The following GOLGB1 variants were observed in gnomAD, a reference collection of about 807,000 sequenced individuals.
GOLGB1 encodes golgin B1, also known as golgin subfamily B member 1.
Under a neutral mutation model 336.9 loss-of-function variants are expected in GOLGB1, and 174 were observed. The observed-to-expected ratio is 0.52, with a 90% CI of 0.46 to 0.59. GOLGB1 has a LOEUF of 0.59. Among genes scored for constraint, GOLGB1 ranks in the 20% least tolerant of loss-of-function variants. GOLGB1 has a pLI of 0.00. For synonymous variants in GOLGB1, 1,208 were observed against 1,289.2 expected, an observed-to-expected ratio of 0.94 and a Z score of 1.35; for missense variants, 3,331 against 3,645.3, an observed-to-expected ratio of 0.91 and a Z score of 2.22.
At chr3:121,704,776 CAA>C (rs71133560) in intron 10 of GOLGB1, among the ~76,000 whole-genome samples, 3 of 106,996 alleles carry the variant, frequency 2.8e-5, no homozygotes, top group Non-Finnish European at 5.4e-5. Context: ...AACTCCATCT[CAA>C]AAAAAAAAAA....
Position 121,697,592 on chromosome 3 carries a change from T to C in GOLGB1, c.2931A>G (p.Ile977Met). ...ATTCATGCTGAAGTTCTTCCTTACT[T>C]ATTTGTCCTGCTGGGCTCATCTCAT... The part of the protein sequence containing the change: ...NYDEMSPAGQ[I>M]SKEELQHEFD... The change falls in exon 13 of 22, where the codon ATA (isoleucine) becomes ATG (methionine). Residue 977 changes from isoleucine to methionine, a missense_variant. Ile to Met is a conservative substitution (Grantham distance 10). Transcript: ENST00000614479. The C allele has an allele frequency of 6.2e-7, 1 of 1,613,708 alleles. No individual in the cohort carries two copies. Among genetic ancestry groups the C allele is most frequent in the Non-Finnish European group, 8.5e-7 (1 of 1,179,970 alleles).
At position 121,663,639 on chromosome 3, in the gene GOLGB1, T is replaced by C. The variant is rs1056295658; in HGVS notation, c.*841A>G. 1.3e-5 allele frequency: 2 copies of C among 152,156 alleles called. No homozygotes were observed. The highest frequency in any genetic ancestry group is 4.8e-5 in the African/African-American group (2 of 41,426). The allele number at this position is 152,156 out of a possible 1,614,324, so 9.4% of individuals were successfully genotyped here. A position where few individuals can be genotyped will look rare whatever the true frequency, so the allele number is the denominator to read the frequency against. On this transcript the variant is annotated 3_prime_UTR_variant, in exon 22 of 22. Coordinates refer to ENST00000614479, the MANE Select transcript of GOLGB1 (RefSeq NM_001366282.2). ...CTCCTGGCTGAGAGTCAATGCCTAA[T>C]ATTGGCTCCCAGTGGCCCCTGAGCA...
At chr3:121,722,499 C>G (rs531711058) in intron 5 of GOLGB1, 121 bp from the exon 6 acceptor site, 13 of 587,886 alleles carry the variant, frequency 2.2e-5, no homozygotes, top group Admixed American at 6.1e-5. Flanking sequence ...CTTCTAGTTT[C>G]CATTGAACCC....
chr3:121,663,593 T>C lies in GOLGB1; in HGVS notation c.*887A>G, dbSNP rs920189268. The C allele has an allele frequency of 6.6e-6, 1 of 152,158 alleles. No individual in the cohort carries two copies. The highest frequency in any genetic ancestry group is 1.5e-5 in the Non-Finnish European group (1 of 68,014). The allele number at this position is 152,158 out of a possible 1,614,324, so 9.4% of individuals were successfully genotyped here. A position where few individuals can be genotyped will look rare whatever the true frequency, so the allele number is the denominator to read the frequency against. ...TACTTCAAGAGGTCAGGAGTTGCAGTGTGGTGTTAGACCAGTCAGACTCCT... is the reference window on the plus strand; with the variant it reads ...TACTTCAAGAGGTCAGGAGTTGCAGCGTGGTGTTAGACCAGTCAGACTCCT... On this transcript the variant is annotated 3_prime_UTR_variant, in exon 22 of 22. Coordinates refer to ENST00000614479, the MANE Select transcript of GOLGB1 (RefSeq NM_001366282.2).
intron 14 of GOLGB1, among the ~76,000 whole-genome samples, chr3:121,687,199 T>C (rs1576319155): frequency 6.6e-6 from 1 of 151,974 alleles, no homozygotes; most frequent in African/African-American, 2.4e-5. Flanking sequence ...GAGGCGGAGG[T>C]TGCAGTGAGC....
In GOLGB1 at chr3:121,691,495, T is replaced by C; in HGVS notation, c.7869A>G (p.Val2623=). 6.2e-7 allele frequency: 1 copy of C among 1,612,526 alleles called. No individual in the cohort carries two copies. ...KVSISQLTRQ[V]TALQEEGTLG... ...AAGTACCTTCTTCTTGCAAGGCTGT[T>C]ACTTGTCTTGTTAGCTGGGATATAG... The change falls in exon 14 of 22, where the codon GTA becomes GTG. Residue 2623 remains valine, a synonymous_variant. Coordinates refer to ENST00000614479, the MANE Select transcript of GOLGB1 (RefSeq NM_001366282.2).
chr3:121,740,020 G>A (rs1046223825), intron 1 of GOLGB1, among the ~76,000 whole-genome samples: 3 of 152,200 alleles, frequency 2.0e-5, no homozygotes, highest in Admixed American at 6.5e-5. Context: ...CAAAATTTTA[G>A]AAATGGAGGA....
intron 1 of GOLGB1, among the ~76,000 whole-genome samples, chr3:121,743,476 T>G (rs1466656054): frequency 2.0e-5 from 3 of 152,074 alleles, no homozygotes; most frequent in African/African-American, 4.8e-5. Context: ...GGTTGGGGGC[T>G]GGGGAAGGGA....
chr3:121,747,283 A>G (rs1222164148), intron 1 of GOLGB1, among the ~76,000 whole-genome samples: 5 of 135,552 alleles, frequency 3.7e-5, no homozygotes, highest in Non-Finnish European at 6.2e-5. Flanking sequence ...ATATGTATAT[A>G]TGTATATATA....
chr3:121,732,224 A>G (rs901318054), intron 1 of GOLGB1, among the ~76,000 whole-genome samples: 3 of 152,208 alleles, frequency 2.0e-5, no homozygotes, highest in Admixed American at 6.5e-5. Context: ...AATTGAATTC[A>G]TACATTAAAA....
In GOLGB1 at chr3:121,699,792, A is replaced by G. The variant is rs1943240427; in HGVS notation, c.1593+20T>C. On this transcript the variant is annotated intron_variant, in intron 12 of 21. Coordinates refer to ENST00000614479, the MANE Select transcript of GOLGB1 (RefSeq NM_001366282.2). ...TTAATCTAGCTCATGTTCTGGTTATATTAAGAACACATCACTTACCTCACT... is the reference window on the plus strand; with the variant it reads ...TTAATCTAGCTCATGTTCTGGTTATGTTAAGAACACATCACTTACCTCACT... 2.1e-6 allele frequency: 3 copies of G among 1,461,542 alleles called. No homozygotes were observed. Among genetic ancestry groups the G allele is most frequent in the Non-Finnish European group, 1.9e-6 (2 of 1,045,274 alleles). 90.5% of individuals were successfully genotyped at this position (1,461,542 alleles called of 1,614,324 possible).
intron 2 of GOLGB1, chr3:121,730,233 G>T: frequency 2.5e-6 from 1 of 398,674 alleles, no homozygotes; most frequent in South Asian, 5.8e-5. Context: ...CCCATTTAAG[G>T]TATTATTATC....
At chr3:121,682,082 C>T (rs1941144328) in intron 14 of GOLGB1, among the ~76,000 whole-genome samples, 1 of 152,178 alleles carries the variant, frequency 6.6e-6, no homozygotes, top group Non-Finnish European at 1.5e-5. Context: ...ATCAAGGCTA[C>T]AGGGTGTGAC....
intron 15 of GOLGB1, among the ~76,000 whole-genome samples, chr3:121,678,506 T>C (rs1940680008): frequency 6.6e-6 from 1 of 152,250 alleles, no homozygotes; most frequent in African/African-American, 2.4e-5. Flanking sequence ...CAGGTGCTGC[T>C]TGATCAGCAG....
In GOLGB1 at chr3:121,698,624, T is replaced by A; in HGVS notation, c.1899A>T (p.Glu633Asp). 1 of 1,613,872 alleles carries A rather than the reference T, an allele frequency of 6.2e-7. No homozygotes were observed. Among genetic ancestry groups the A allele is most frequent in the Non-Finnish European group, 8.5e-7 (1 of 1,179,804 alleles). The change falls in exon 13 of 22, where the codon GAA becomes GAT. Residue 633 changes from glutamate to aspartate, a missense_variant. By Grantham distance (45) the Glu-to-Asp change is conservative. Coordinates refer to ENST00000614479, the MANE Select transcript of GOLGB1 (RefSeq NM_001366282.2). Reference sequence around the variant, plus strand: ...TTTCAACTGCTGGAAGACTGCTCTCTTCATTTGGCATTAAGGGAAAATCTT... The same window carrying A: ...TTTCAACTGCTGGAAGACTGCTCTCATCATTTGGCATTAAGGGAAAATCTT... ...TGQDFPLMPN[E>D]ESSLPAVEKE...
intron 15 of GOLGB1, among the ~76,000 whole-genome samples, chr3:121,680,170 G>A (rs569832117): frequency 6.6e-6 from 1 of 152,268 alleles, no homozygotes; most frequent in African/African-American, 2.4e-5. Context: ...AAGTTGAATG[G>A]GGTGCCTGGA....
chr3:121,688,836 C>G (rs534488341), intron 14 of GOLGB1, among the ~76,000 whole-genome samples: 1 of 151,774 alleles, frequency 6.6e-6, no homozygotes, highest in African/African-American at 2.4e-5. Context: ...TGCCCGGCCG[C>G]GACCCCGTCT....
In GOLGB1 at chr3:121,693,894, A is replaced by G. The variant is rs1269604640; in HGVS notation, c.6629T>C (p.Ile2210Thr). 5 of 1,614,024 alleles carry G rather than the reference A, an allele frequency of 3.1e-6. No homozygotes were observed. The highest frequency in any genetic ancestry group is 3.3e-5 in the Admixed American group (2 of 60,020). ...CCTCTCCCATTTCTTAGCTTCATCT[A>G]TCACCCTGTCACGATCATCCTGGAG... Reference protein sequence around the residue: ...SSLQDDRDRVIDEAKKWERKF... With the variant: ...SSLQDDRDRVTDEAKKWERKF... The change falls in exon 13 of 22, where the codon ATA (isoleucine) becomes ACA (threonine). Residue 2210 changes from isoleucine (I) to threonine (T), a missense_variant. By Grantham distance (89) the Ile-to-Thr change is moderately conservative. Transcript: ENST00000614479.
intron 14 of GOLGB1, among the ~76,000 whole-genome samples, chr3:121,684,782 G>T (rs1262071325): frequency 2.0e-5 from 3 of 152,170 alleles, no homozygotes; most frequent in African/African-American, 7.2e-5. Context: ...TCTACTGAAT[G>T]ATTTATTCCA....
Sources: gnomAD v4.1 joint callset for allele counts (sites outside exome capture counted in the v4.1 genomes callset) on GRCh38, gnomAD v4.1.1 for gene constraint, MANE v1.5 for transcripts, NCBI Gene and HGNC (gene_info 2026-07-23, HGNC 2026-07-21) for gene names.